The following TPD52L1 variants were observed in gnomAD, a reference collection of about 807,000 sequenced individuals.
The protein encoded by TPD52L1 is TPD52 like 1.
A neutral mutation model predicts 28.7 loss-of-function variants in TPD52L1; 18 were observed. The ratio of observed to expected loss-of-function variants is 0.63; its 90% confidence interval spans 0.43 to 0.93. The LOEUF is 0.93. TPD52L1 is among the 40% of genes least tolerant of loss of function. TPD52L1 has a pLI of 0.00. For synonymous variants in TPD52L1, 75 were observed against 88.8 expected, an observed-to-expected ratio of 0.84 and a Z score of 0.88; for missense variants, 203 against 254.8, an observed-to-expected ratio of 0.80 and a Z score of 1.39.
intron 1 of TPD52L1, among the ~76,000 whole-genome samples, chr6:125,193,612 C>T (rs997900133): frequency 5.3e-5 from 8 of 152,072 alleles, no homozygotes; most frequent in Non-Finnish European, 8.8e-5. Flanking sequence ...ATATGGAAAA[C>T]ATATGCCTGT....
rs769119510 is a variant in TPD52L1, at chr6:125,219,121, C to T, written c.20-957C>T. Among the ~76,000 whole-genome samples, 11 of 152,280 alleles carry T rather than the reference C, an allele frequency of 7.2e-5. No individual in the cohort carries two copies. The South Asian group carries it at 2.3e-3, about 32-fold the overall frequency. ...TATTTGAATGTTTCATTTTCTTTCC[C>T]TACAGAGGTGTAAATGCCAGCTGAC... On this transcript the variant is annotated intron_variant, in intron 1 of 6. Coordinates refer to ENST00000534000, the MANE Select transcript of TPD52L1 (RefSeq NM_003287.4).
chr6:125,248,258 C>T (rs765287846), intron 3 of TPD52L1, 24 bp from the exon 4 acceptor site: 4 of 1,577,866 alleles, frequency 2.5e-6, no homozygotes, highest in South Asian at 2.2e-5. Context: ...ATATAAAAAC[C>T]ATGTTGTTCT....
rs779926219 is a variant in TPD52L1 at position 125,220,065 on chromosome 6, A to C, written c.20-13A>C. The C allele has an allele frequency of 1.6e-5, 26 of 1,600,516 alleles. No homozygotes were observed. Among genetic ancestry groups the C allele is most frequent in the Non-Finnish European group, 2.1e-5 (24 of 1,167,786 alleles). ...TTAAAAATTGCCTTCTGTTTTATCA[A>C]TTCTGCCTAAAGGTTTGTTGGAGAC... is the stretch of plus-strand genomic sequence containing the variant. On this transcript the variant is annotated splice_polypyrimidine_tract_variant and intron_variant, in intron 1 of 6. Coordinates refer to ENST00000534000, the MANE Select transcript of TPD52L1 (RefSeq NM_003287.4).
At chr6:125,172,532 A>AT (rs1554202664) in intron 1 of TPD52L1, among the ~76,000 whole-genome samples, 5 of 95,034 alleles carry the variant, frequency 5.3e-5, no homozygotes, top group Admixed American at 2.4e-4. Flanking sequence ...ATATATATAT[A>AT]TATATATATA....
intron 1 of TPD52L1, among the ~76,000 whole-genome samples, chr6:125,178,166 G>T (rs2114809584): frequency 6.6e-6 from 1 of 152,194 alleles, no homozygotes; most frequent in African/African-American, 2.4e-5. Context: ...CTAGTTCTAT[G>T]ATTTTGCTTT....
intron 1 of TPD52L1, among the ~76,000 whole-genome samples, chr6:125,165,512 A>G (rs1790838729): frequency 6.6e-6 from 1 of 152,148 alleles, no homozygotes; most frequent in Non-Finnish European, 1.5e-5. Flanking sequence ...TCACCAACAT[A>G]TTGCTTCTTT....
intron 1 of TPD52L1, among the ~76,000 whole-genome samples, chr6:125,195,937 G>A (rs558223029): frequency 1.0e-3 from 154 of 152,314 alleles, no homozygotes; most frequent in African/African-American, 3.6e-3. Flanking sequence ...CAGGAGAGCA[G>A]AGGCCCTGTC....
chr6:125,224,425 G>A (rs1280573662), intron 2 of TPD52L1, among the ~76,000 whole-genome samples: 1 of 151,218 alleles, frequency 6.6e-6, no homozygotes, highest in African/African-American at 2.4e-5. Flanking sequence ...GTGCTCTCAA[G>A]CTAACGGTGT....
intron 1 of TPD52L1, among the ~76,000 whole-genome samples, chr6:125,184,767 ACT>A (rs1347151434): frequency 6.6e-6 from 1 of 152,064 alleles, no homozygotes; most frequent in African/African-American, 2.4e-5. Flanking sequence ...ATAAGCTGAA[ACT>A]CTACCTAGCC....
chr6:125,255,804 T>C (rs936424118), intron 5 of TPD52L1, among the ~76,000 whole-genome samples: 1 of 152,190 alleles, frequency 6.6e-6, no homozygotes, highest in Non-Finnish European at 1.5e-5. Context: ...TTGAATTATT[T>C]GATCTGAAAA....
chr6:125,229,151 T>C lies in TPD52L1; in HGVS notation c.169T>C (p.Leu57=). 6.2e-7 allele frequency: 1 copy of C among 1,613,486 alleles called. No homozygotes were observed. Among genetic ancestry groups the C allele is most frequent in the Non-Finnish European group, 8.5e-7 (1 of 1,179,768 alleles). Residue 57 remains leucine, a synonymous_variant, in exon 3 of 7, where the codon TTG becomes CTG. Coordinates refer to ENST00000534000, the MANE Select transcript of TPD52L1 (RefSeq NM_003287.4). ...EDEITTLRQV[L]SAKERHLVEI... is the part of the protein sequence containing the mutation. ...CGAAATTACAACACTACGACAAGTT[T>C]TGTCAGCGAAAGAAAGGCATCTAGT... is the stretch of plus-strand genomic sequence containing the variant.
chr6:125,178,658 A>AATATATAT (rs766185303), intron 1 of TPD52L1, among the ~76,000 whole-genome samples: 1 of 148,000 alleles, frequency 6.8e-6, no homozygotes, highest in African/African-American at 2.5e-5. Flanking sequence ...AACAAAACAA[A>AATATATAT]ATATATATAT....
rs1798159626 is a variant in TPD52L1, at chr6:125,263,246, G to A, written c.*284G>A. 4 of 364,640 alleles carry A rather than the reference G, an allele frequency of 1.1e-5. No individual in the cohort carries two copies. Among genetic ancestry groups the A allele is most frequent in the Admixed American group, 8.9e-5 (2 of 22,480 alleles). The allele number at this position is 364,640 out of a possible 1,614,324, so 22.6% of individuals were successfully genotyped here. ...GTCATAATTCCTGTCTGTGTAATTCGATGTATATTTTTCCAAACATGTAGC... is the reference window on the plus strand; with the variant it reads ...GTCATAATTCCTGTCTGTGTAATTCAATGTATATTTTTCCAAACATGTAGC... On this transcript the variant is annotated 3_prime_UTR_variant, in exon 7 of 7. Transcript: ENST00000534000.
intron 1 of TPD52L1, among the ~76,000 whole-genome samples, chr6:125,165,468 G>A (rs1790836506): frequency 6.6e-6 from 1 of 152,096 alleles, no homozygotes; most frequent in African/African-American, 2.4e-5. Context: ...GAAGTTCCCA[G>A]AATAAAACCA....
chr6:125,223,760 TA>T (rs1190365429), intron 2 of TPD52L1, among the ~76,000 whole-genome samples: 1 of 151,654 alleles, frequency 6.6e-6, no homozygotes, highest in African/African-American at 2.4e-5. Context: ...ACTTGATCTT[TA>T]ATTTATTGTT....
At chr6:125,185,603 C>T (rs965402499) in intron 1 of TPD52L1, among the ~76,000 whole-genome samples, 1 of 151,040 alleles carries the variant, frequency 6.6e-6, no homozygotes, top group Non-Finnish European at 1.5e-5. Flanking sequence ...ATCTATGAGA[C>T]GAAGAGAGAC....
At chr6:125,225,618 A>G (rs1795559300) in intron 2 of TPD52L1, among the ~76,000 whole-genome samples, 1 of 152,236 alleles carries the variant, frequency 6.6e-6, no homozygotes, top group Non-Finnish European at 1.5e-5. Context: ...TCAAGAAACC[A>G]AAGAACTAGA....
Position 125,263,004 on chromosome 6 carries a change from C to T in TPD52L1, c.*42C>T. 6.3e-7 allele frequency: 1 copy of T among 1,585,090 alleles called. No homozygotes were observed. The highest frequency in any genetic ancestry group is 8.6e-7 in the Non-Finnish European group (1 of 1,166,348). On this transcript the variant is annotated 3_prime_UTR_variant, in exon 7 of 7. Coordinates refer to ENST00000534000, the MANE Select transcript of TPD52L1 (RefSeq NM_003287.4). ...GCTGCATCCAGAAACCGGCCACTAC[C>T]CAGCCCATCTCTGCCTGTGCTTATC... is the stretch of plus-strand genomic sequence containing the variant.
In TPD52L1 at chr6:125,261,032, GAAAGAAAGAA is replaced by G. The variant is rs1419445586; in HGVS notation, c.487-1800_487-1791del. 1.1e-3 allele frequency: 143 copies of G among 125,406 alleles called. 8 individuals are homozygous for G. Among genetic ancestry groups the G allele is most frequent in the African/African-American group, 4.5e-3 (135 of 30,072 alleles). The allele number at this position is 125,406 out of a possible 1,614,324, so 7.8% of individuals were successfully genotyped here. On this transcript the variant is annotated intron_variant, in intron 6 of 6. Coordinates refer to ENST00000534000, the MANE Select transcript of TPD52L1 (RefSeq NM_003287.4). ...AAAGAAAGAAAGAAAAGAAAAGAAA[GAAAGAAAGAA>G]AGAAAGAAAAGGGGAAGGGGAAGGG...
Sources: gnomAD v4.1 joint callset for allele counts (sites outside exome capture counted in the v4.1 genomes callset) on GRCh38, gnomAD v4.1.1 for gene constraint, MANE v1.5 for transcripts, NCBI Gene and HGNC (gene_info 2026-07-23, HGNC 2026-07-21) for gene names.